Variants in RALGAPA1 observed in about 807,000 individuals in gnomAD.
RALGAPA1 encodes the protein Ral GTPase activating protein catalytic subunit alpha 1.
A neutral mutation model predicts 269.6 loss-of-function variants in RALGAPA1; 52 were observed. The observed-to-expected ratio is 0.19, with a 90% CI of 0.15 to 0.24. The LOEUF is 0.24. RALGAPA1 is among the 10% of genes least tolerant of loss of function. The probability of loss-of-function intolerance (pLI) is 1.00; values close to 1 mark genes in which losing one functional copy is unlikely to be tolerated. For missense variants in RALGAPA1, 1,917 were observed against 3,013.9 expected (o/e 0.64, Z 8.52); for synonymous variants, 817 against 1,008.3 (o/e 0.81, Z 3.60).
chr14:35,548,123 A>G (rs1233215850), intron 41 of RALGAPA1, among the ~76,000 whole-genome samples: 1 of 152,122 alleles, frequency 6.6e-6, no homozygotes, highest in East Asian at 1.9e-4. Flanking sequence ...AGGCACACAG[A>G]GAGTTATCAT....
chr14:35,557,128 GTGTGTGTGTA>G (rs2055697035), intron 39 of RALGAPA1, among the ~76,000 whole-genome samples: 4 of 119,570 alleles, frequency 3.3e-5, no homozygotes, highest in African/African-American at 7.4e-5. Context: ...GTGTGTGTGT[GTGTGTGTGTA>G]TATATATTCT....
intron 37 of RALGAPA1, among the ~76,000 whole-genome samples, chr14:35,587,151 G>A (rs1353846200): frequency 2.6e-5 from 4 of 152,168 alleles, no homozygotes; most frequent in African/African-American, 7.2e-5. Flanking sequence ...CCTGTTATTG[G>A]TCTATTCAGG....
At chr14:35,791,106 A>G (rs1482680844) in intron 1 of RALGAPA1, among the ~76,000 whole-genome samples, 1 of 152,130 alleles carries the variant, frequency 6.6e-6, no homozygotes, top group Non-Finnish European at 1.5e-5. Flanking sequence ...ATGCACCCCA[A>G]AACAAGAAGA....
In RALGAPA1 at chr14:35,690,151, T is replaced by C. The variant is rs2066354947; in HGVS notation, c.2408-148A>G. The C allele has an allele frequency of 6.7e-6, 4 of 594,514 alleles. No homozygotes were observed. In the Admixed American group the frequency reaches 1.1e-4, roughly 17 times the overall value. The allele number at this position is 594,514 out of a possible 1,614,324, so 36.8% of individuals were successfully genotyped here. On this transcript the variant is annotated intron_variant, in intron 17 of 41. Transcript: ENST00000680220. ...AAAAAAAATCAAAATACAAATCTGCTTTTTTAAAAAAATGATGGGCACAAG... is the reference window on the plus strand; with the variant it reads ...AAAAAAAATCAAAATACAAATCTGCCTTTTTAAAAAAATGATGGGCACAAG...
chr14:35,625,331 T>C (rs199593770), intron 35 of RALGAPA1, 30 bp downstream of exon 35: 608 of 1,444,772 alleles, frequency 4.2e-4, no homozygotes, highest in Middle Eastern at 2.5e-3. Context: ...TGAGAGTTGC[T>C]AGTTATGTGA....
At chr14:35,697,667 T>TA (rs2067009174) in intron 17 of RALGAPA1, among the ~76,000 whole-genome samples, 1 of 151,856 alleles carries the variant, frequency 6.6e-6, no homozygotes, top group South Asian at 2.1e-4. Context: ...TTTTTTTTTT[T>TA]AACAGGTTTT....
intron 35 of RALGAPA1, among the ~76,000 whole-genome samples, chr14:35,615,725 C>T (rs2060207413): frequency 6.6e-6 from 1 of 152,008 alleles, no homozygotes; most frequent in South Asian, 2.1e-4. Flanking sequence ...TGTATTCATA[C>T]CACAATTCAT....
At chr14:35,804,088 C>A (rs959357187) in intron 1 of RALGAPA1, among the ~76,000 whole-genome samples, 5 of 151,728 alleles carry the variant, frequency 3.3e-5, no homozygotes, top group African/African-American at 1.2e-4. Context: ...CATGGCGAAA[C>A]CCCATCTCTA....
At chr14:35,613,269 A>G (rs1169887584) in intron 35 of RALGAPA1, among the ~76,000 whole-genome samples, 1 of 151,858 alleles carries the variant, frequency 6.6e-6, no homozygotes, top group Non-Finnish European at 1.5e-5. Context: ...TTTAGTAGAG[A>G]CGGGGTTTCA....
At chr14:35,559,137 A>C in intron 39 of RALGAPA1, among the ~76,000 whole-genome samples, 1 of 152,180 alleles carries the variant, frequency 6.6e-6, no homozygotes, top group East Asian at 1.9e-4. Flanking sequence ...AATAGGCTCT[A>C]TTCTAGTGTT....
At chr14:35,785,758 A>G (rs2075755023) in intron 1 of RALGAPA1, among the ~76,000 whole-genome samples, 1 of 152,224 alleles carries the variant, frequency 6.6e-6, no homozygotes, top group Non-Finnish European at 1.5e-5. Flanking sequence ...CAGTACTGTC[A>G]AGCTGAGATG....
chr14:35,567,426 T>C (rs2056807168), intron 39 of RALGAPA1, among the ~76,000 whole-genome samples: 1 of 152,110 alleles, frequency 6.6e-6, no homozygotes, highest in Non-Finnish European at 1.5e-5. Context: ...ATCTACTAAG[T>C]ACATCCAAGT....
At chr14:35,749,140 T>A (rs1384350182) in intron 9 of RALGAPA1, among the ~76,000 whole-genome samples, 1 of 152,196 alleles carries the variant, frequency 6.6e-6, no homozygotes, top group Non-Finnish European at 1.5e-5. Context: ...GGTGGATGAA[T>A]AATGGAATTA....
In RALGAPA1 at chr14:35,728,528, A is replaced by C. The variant is rs762550302; in HGVS notation, c.1588-18T>G. The C allele has an allele frequency of 6.4e-7, 1 of 1,573,980 alleles. No homozygotes were observed. The highest frequency in any genetic ancestry group is 1.2e-5 in the South Asian group (1 of 83,238). The stretch of plus-strand genomic sequence containing the variant: ...ATAAACACCTAAGACAAAAGAAATC[A>C]TTAGCTATTCACAAAGGAATTTCAA... On this transcript the variant is annotated intron_variant, in intron 12 of 41. Coordinates refer to ENST00000680220, the MANE Select transcript of RALGAPA1 (RefSeq NM_001346249.2).
At chr14:35,640,327 A>C (rs1169021887) in intron 31 of RALGAPA1, among the ~76,000 whole-genome samples, 3 of 152,106 alleles carry the variant, frequency 2.0e-5, no homozygotes, top group Non-Finnish European at 4.4e-5. Context: ...TTTTTTAAAA[A>C]AGATAAAATT....
intron 10 of RALGAPA1, 41 bp from the exon 11 acceptor site, chr14:35,742,606 C>A (rs769551641): frequency 2.1e-6 from 3 of 1,430,052 alleles, no homozygotes; most frequent in Non-Finnish European, 3.0e-6. Context: ...ATACTTTTTC[C>A]TTTGCCACAA....
At chr14:35,791,358 C>A (rs1185464249) in intron 1 of RALGAPA1, among the ~76,000 whole-genome samples, 2 of 152,210 alleles carry the variant, frequency 1.3e-5, no homozygotes, top group African/African-American at 2.4e-5. Flanking sequence ...AATCCCAGCA[C>A]TTTGGGAGGC....
chr14:35,783,885 T>C (rs1403601084), intron 1 of RALGAPA1, among the ~76,000 whole-genome samples: 1 of 152,068 alleles, frequency 6.6e-6, no homozygotes, highest in Non-Finnish European at 1.5e-5. Flanking sequence ...CCCACTATGA[T>C]AGCTATAATC....
chr14:35,716,099 A>T, intron 16 of RALGAPA1: 1 of 984,798 alleles, frequency 1.0e-6, no homozygotes, highest in African/African-American at 1.7e-5. Flanking sequence ...AAATGTAGAA[A>T]AAATTAAAAG....
Sources: gnomAD v4.1 joint callset for allele counts (sites outside exome capture counted in the v4.1 genomes callset) on GRCh38, gnomAD v4.1.1 for gene constraint, MANE v1.5 for transcripts, NCBI Gene and HGNC (gene_info 2026-07-23, HGNC 2026-07-21) for gene names.